Variants in AUTS2 observed in about 807,000 individuals in gnomAD.
AUTS2 encodes autism susceptibility gene 2 protein.
Under a neutral mutation model 112.4 loss-of-function variants are expected in AUTS2, and 17 were observed. The observed-to-expected ratio is 0.15, with a 90% CI of 0.10 to 0.23. AUTS2 has a LOEUF of 0.23. Among genes scored for constraint, AUTS2 ranks in the 10% least tolerant of loss-of-function variants. The pLI is 1.00. For missense variants in AUTS2, 1,510 were observed against 1,701.6 expected, an observed-to-expected ratio of 0.89 and a Z score of 1.98; for synonymous variants, 751 against 702.7, an observed-to-expected ratio of 1.07 and a Z score of -1.09.
chr7:70,728,530 G>A (rs1161449399), intron 6 of AUTS2, among the ~76,000 whole-genome samples: 3 of 151,918 alleles, frequency 2.0e-5, no homozygotes, highest in Non-Finnish European at 2.9e-5. Flanking sequence ...CCAACATGAC[G>A]AAACCCTGTC....
At chr7:69,816,882 A>G (rs1790785524) in intron 1 of AUTS2, among the ~76,000 whole-genome samples, 2 of 152,044 alleles carry the variant, frequency 1.3e-5, no homozygotes, top group South Asian at 4.2e-4. Flanking sequence ...TCATTCACTC[A>G]TTCGTTCAGC....
At chr7:69,902,481 AG>A (rs1795006126) in intron 2 of AUTS2, among the ~76,000 whole-genome samples, 1 of 152,198 alleles carries the variant, frequency 6.6e-6, no homozygotes, top group Non-Finnish European at 1.5e-5. Context: ...CAGATGAAAT[AG>A]GGAAGAGGCG....
intron 3 of AUTS2, among the ~76,000 whole-genome samples, chr7:70,121,261 A>G (rs1348138188): frequency 6.6e-6 from 1 of 152,208 alleles, no homozygotes; most frequent in Non-Finnish European, 1.5e-5. Context: ...GAAAATATAC[A>G]GGTAAATCTT....
chr7:69,905,631 G>A (rs543367657), intron 2 of AUTS2, among the ~76,000 whole-genome samples: 61 of 152,214 alleles, frequency 4.0e-4, no homozygotes, highest in African/African-American at 1.2e-3. Flanking sequence ...CTGATTGCAT[G>A]GTGCCTGCCC....
At chr7:70,179,707 A>G (rs889873482) in intron 4 of AUTS2, among the ~76,000 whole-genome samples, 2 of 152,210 alleles carry the variant, frequency 1.3e-5, no homozygotes, top group East Asian at 3.8e-4. Context: ...AGGTTAGTAT[A>G]AATTTTCTGA....
At chr7:70,777,234 C>T in intron 14 of AUTS2, 60 bp downstream of exon 14, 1 of 1,463,612 alleles carries the variant, frequency 6.8e-7, no homozygotes, top group Non-Finnish European at 9.6e-7. Flanking sequence ...GTGTGACGTG[C>T]TCGGGAGAAC....
chr7:70,282,809 G>A (rs940959818), intron 4 of AUTS2, among the ~76,000 whole-genome samples: 3 of 152,070 alleles, frequency 2.0e-5, no homozygotes, highest in African/African-American at 7.2e-5. Context: ...AAGGAATGGC[G>A]GACTGAGCAA....
chr7:70,700,627 G>T (rs1158626465), intron 6 of AUTS2, among the ~76,000 whole-genome samples: 2 of 152,142 alleles, frequency 1.3e-5, no homozygotes, highest in Non-Finnish European at 2.9e-5. Flanking sequence ...GGAAAGCATC[G>T]GGGACAGTTT....
At chr7:69,949,184 T>A (rs1796933808) in intron 2 of AUTS2, among the ~76,000 whole-genome samples, 1 of 152,178 alleles carries the variant, frequency 6.6e-6, no homozygotes, top group Non-Finnish European at 1.5e-5. Flanking sequence ...TAAACCCAAG[T>A]GATGAACAGA....
intron 4 of AUTS2, among the ~76,000 whole-genome samples, chr7:70,334,972 C>T (rs1790923648): frequency 6.6e-6 from 1 of 152,088 alleles, no homozygotes; most frequent in Admixed American, 6.6e-5. Context: ...GCCAAGGTTC[C>T]TGAGATTTTT....
At chr7:69,809,221 C>G (rs530054085) in intron 1 of AUTS2, among the ~76,000 whole-genome samples, 5 of 152,112 alleles carry the variant, frequency 3.3e-5, no homozygotes, top group African/African-American at 4.8e-5. Context: ...ACTGCAGGCA[C>G]CCGCCACCAC....
rs57563476 is a variant in AUTS2 at position 70,462,608 on chromosome 7, T to A, written c.690+26827T>A. ...CTATAGTTGTGATCATGTACAACCA[T>A]GACGTGATCATTAATCTAGATAGAT... On this transcript the variant is annotated intron_variant, in intron 5 of 18. Transcript: ENST00000342771. 7.2e-3 allele frequency among the ~76,000 whole-genome samples: 1,090 copies of A among 152,306 alleles called. 15 individuals are homozygous for A. The highest frequency in any genetic ancestry group is 0.025 in the African/African-American group (1,033 of 41,558).
chr7:69,684,853 G>C (rs889230934), intron 1 of AUTS2, among the ~76,000 whole-genome samples: 1 of 152,200 alleles, frequency 6.6e-6, no homozygotes, highest in African/African-American at 2.4e-5. Flanking sequence ...GATAAAGTGA[G>C]TTGTTGTGAG....
At chr7:70,658,440 A>G (rs1806893239) in intron 5 of AUTS2, among the ~76,000 whole-genome samples, 1 of 152,238 alleles carries the variant, frequency 6.6e-6, no homozygotes, top group South Asian at 2.1e-4. Context: ...CCTTTGATCC[A>G]TCTCTCGGCT....
At chr7:70,449,134 G>A (rs1796430978) in intron 5 of AUTS2, among the ~76,000 whole-genome samples, 1 of 152,214 alleles carries the variant, frequency 6.6e-6, no homozygotes, top group Non-Finnish European at 1.5e-5. Flanking sequence ...GGCAGAGCCA[G>A]GCAACTGGAT....
At chr7:69,615,662 T>G (rs1482352330) in intron 1 of AUTS2, among the ~76,000 whole-genome samples, 1 of 152,222 alleles carries the variant, frequency 6.6e-6, no homozygotes, top group Non-Finnish European at 1.5e-5. Context: ...GCTGTACTCT[T>G]ATTTTGTTTA....
At chr7:70,465,691 G>A (rs920386911) in intron 5 of AUTS2, among the ~76,000 whole-genome samples, 39 of 152,138 alleles carry the variant, frequency 2.6e-4, no homozygotes, top group African/African-American at 9.4e-4. Flanking sequence ...ACAAAGACTC[G>A]TGATTGGGTG....
chr7:70,778,250 T>TAGGCTATGTTA (rs758463585), intron 14 of AUTS2, among the ~76,000 whole-genome samples: 2 of 152,182 alleles, frequency 1.3e-5, no homozygotes, highest in Non-Finnish European at 2.9e-5. Context: ...TGGGTATTTA[T>TAGGCTATGTTA]AGGCTATGTT....
At chr7:70,691,964 T>G (rs1326135191) in intron 5 of AUTS2, among the ~76,000 whole-genome samples, 1 of 147,218 alleles carries the variant, frequency 6.8e-6, no homozygotes, top group African/African-American at 2.5e-5. Context: ...CACTGCAACC[T>G]CCACCTCCCA....
Sources: allele counts gnomAD v4.1 joint callset (sites outside exome capture counted in the v4.1 genomes callset), GRCh38; gene constraint gnomAD v4.1.1; transcripts MANE v1.5; gene names NCBI Gene and HGNC (gene_info 2026-07-23, HGNC 2026-07-21).